The following CDHR2 variants were observed in gnomAD, a reference collection of about 807,000 sequenced individuals.
The protein encoded by CDHR2 is cadherin-related family member 2.
A neutral mutation model predicts 138.6 loss-of-function variants in CDHR2; 104 were observed. That is an observed-to-expected ratio of 0.75 (90% CI 0.64 to 0.88). The LOEUF (loss-of-function observed/expected upper bound fraction) is 0.88. CDHR2 is among the 40% of genes least tolerant of loss of function. CDHR2 has a pLI of 0.00. For missense variants in CDHR2, 1,624 were observed against 1,727.6 expected (o/e 0.94, Z 1.06); for synonymous variants, 755 against 742.8 (o/e 1.02, Z -0.27).
rs201285308 is a variant in CDHR2 at position 176,581,379 on chromosome 5, C to T, written c.1855C>T (p.Arg619Cys). The stretch of plus-strand genomic sequence containing the variant: ...TGATGAGCCGGGCACCAACAACAGC[C>T]GTCTGCTCTTCAACCTGCTGCCTGG... ...DNDEPGTNNS[R>C]LLFNLLPGPY... The change falls in exon 17 of 32, where the codon CGT becomes TGT. Residue 619 changes from arginine (R) to cysteine (C), a missense_variant. Arg to Cys is a radical substitution (Grantham distance 180). Around this residue, in one of 3 missense-constraint regions of CDHR2, gnomAD observed 1,061 missense variants for 1,136.6 expected, o/e 0.93. Coordinates refer to ENST00000261944, the MANE Select transcript of CDHR2 (RefSeq NM_017675.6). 1.6e-4 allele frequency: 256 copies of T among 1,613,962 alleles called. No individual in the cohort carries two copies. The highest frequency in any genetic ancestry group is 9.9e-4 in the Middle Eastern group (6 of 6,062).
chr5:176,557,988 G>A (rs910161447), intron 1 of CDHR2, among the ~76,000 whole-genome samples: 1 of 152,054 alleles, frequency 6.6e-6, no homozygotes, highest in African/African-American at 2.4e-5. Context: ...TTGCAGGTGT[G>A]AGCCACCGAG....
chr5:176,543,048 T>C lies in CDHR2; in HGVS notation c.-16+279T>C, dbSNP rs1182712457. On this transcript the variant is annotated intron_variant, in intron 1 of 31. Coordinates refer to the CDHR2 transcript ENST00000510636. The surrounding 1 kb of genome is among the most constrained non-coding windows in gnomAD (Gnocchi z 4.0). ...CGGAGTTCCCCGGGGCTCCCCGAGT[T>C]GGGGCGTTTGGACCTAGCGGACGGG... Among the ~76,000 whole-genome samples the C allele has an allele frequency of 6.6e-6, 1 of 151,510 alleles. No individual in the cohort carries two copies. Among genetic ancestry groups the C allele is most frequent in the Non-Finnish European group, 1.5e-5 (1 of 67,768 alleles).
At position 176,543,449 on chromosome 5, in the gene CDHR2, G is replaced by A. The variant is rs943773727; in HGVS notation, c.-16+680G>A. On this transcript the variant is annotated intron_variant, in intron 1 of 31. Coordinates refer to the CDHR2 transcript ENST00000510636. This position sits in a 1 kb window ranked among gnomAD's most constrained non-coding sequence, Gnocchi z 4.0. ...GCCCACACCGGCTGCGCAGCTTCCAGGACCCCCGCCCCGGCCCCGCGCGAA... is the reference window on the plus strand; with the variant it reads ...GCCCACACCGGCTGCGCAGCTTCCAAGACCCCCGCCCCGGCCCCGCGCGAA... The A allele has an allele frequency of 1.3e-5, 2 of 151,844 alleles. No homozygotes were observed. The highest frequency in any genetic ancestry group is 4.8e-5 in the African/African-American group (2 of 41,362). 9.4% of individuals were successfully genotyped at this position (151,844 alleles called of 1,614,324 possible). A position where few individuals can be genotyped will look rare whatever the true frequency, so the allele number is the denominator to read the frequency against.
At chr5:176,556,062 C>T (rs1757816069) in intron 1 of CDHR2, among the ~76,000 whole-genome samples, 1 of 152,250 alleles carries the variant, frequency 6.6e-6, no homozygotes, top group Non-Finnish European at 1.5e-5. Flanking sequence ...TCTCTCCCTG[C>T]AACCCAGCCA....
At position 176,577,478 on chromosome 5, in the gene CDHR2, G is replaced by C. The variant is rs760302877; in HGVS notation, c.1274G>C (p.Gly425Ala). 1 of 1,610,822 alleles carries C rather than the reference G, an allele frequency of 6.2e-7. No homozygotes were observed. The highest frequency in any genetic ancestry group is 8.5e-7 in the Non-Finnish European group (1 of 1,178,960). The change falls in exon 13 of 32, where the codon GGC (glycine) becomes GCC (alanine). Residue 425 changes from glycine (G) to alanine (A), a missense_variant. Transcript: ENST00000261944. Reference sequence around the variant, plus strand: ...AGCGTCTCCCCGGAGCGGGCAGTGGGCTCAGCCTCCGTTCAGGTGCTGGTG... The same window carrying C: ...AGCGTCTCCCCGGAGCGGGCAGTGGCCTCAGCCTCCGTTCAGGTGCTGGTG... ...AFSVSPERAV[G>A]SASVQVLVRV...
chr5:176,576,045 G>C lies in CDHR2; in HGVS notation c.1054G>C (p.Glu352Gln), dbSNP rs1758372209. The C allele has an allele frequency of 1.2e-6, 2 of 1,613,894 alleles. No homozygotes were observed. Among genetic ancestry groups the C allele is most frequent in the Admixed American group, 3.3e-5 (2 of 59,990 alleles). Reference protein sequence around the residue: ...RVMDVNDHKPEFYNCSLPACT... With the variant: ...RVMDVNDHKPQFYNCSLPACT... Reference sequence around the variant, plus strand: ...GATGGACGTCAATGACCACAAACCTGAGTTTTACAACTGCAGCCTCCCAGC... The same window carrying C: ...GATGGACGTCAATGACCACAAACCTCAGTTTTACAACTGCAGCCTCCCAGC... Residue 352 changes from glutamate to glutamine, a missense_variant, in exon 12 of 32, where the codon GAG becomes CAG. Physicochemically the swap from Glu to Gln is conservative, Grantham distance 29. This residue lies in a region of CDHR2 where 1,061 missense variants were observed against 1,136.6 expected (regional missense o/e 0.93). Transcript: ENST00000261944. The surrounding 1 kb of genome is among the most constrained non-coding windows in gnomAD (Gnocchi z 4.5).
chr5:176,591,532 G>A (rs113319946), intron 30 of CDHR2, 48 bp downstream of exon 30: 3 of 1,400,670 alleles, frequency 2.1e-6, no homozygotes, highest in Non-Finnish European at 3.0e-6. Context: ...GGTGGTACAG[G>A]TAGTGACGGT....
At chr5:176,572,991 C>T (rs1758271934) in intron 6 of CDHR2, among the ~76,000 whole-genome samples, 1 of 152,208 alleles carries the variant, frequency 6.6e-6, no homozygotes, top group South Asian at 2.1e-4. Flanking sequence ...AAGGAAGTGA[C>T]TGCAGCGGGC....
At chr5:176,583,514 C>T (rs1758573154) in intron 17 of CDHR2, among the ~76,000 whole-genome samples, 2 of 152,178 alleles carry the variant, frequency 1.3e-5, no homozygotes, top group Admixed American at 6.5e-5. Flanking sequence ...AGGGCATCCC[C>T]CAAGCACATG....
intron 19 of CDHR2, 61 bp downstream of exon 19, chr5:176,585,076 C>G: frequency 6.8e-7 from 1 of 1,474,146 alleles, no homozygotes; most frequent in Non-Finnish European, 9.0e-7. Context: ...CGGGAAGGAG[C>G]CCTGGGCTGG....
intron 2 of CDHR2, 117 bp downstream of exon 2, chr5:176,565,521 G>T: frequency 7.9e-7 from 1 of 1,259,834 alleles, no homozygotes; most frequent in Non-Finnish European, 1.1e-6. Context: ...CCAGCCCTGT[G>T]CTTGGCTAAG....
chr5:176,574,079 G>A lies in CDHR2; in HGVS notation c.406-4G>A, dbSNP rs1217983166. ...GCTCATAGGTGACGAGTCCCTCCCT[G>A]CAGACCCTGCCCGTGGGCAGTGTGG... On this transcript the variant is annotated splice_polypyrimidine_tract_variant and splice_region_variant and intron_variant, in intron 6 of 31. Coordinates refer to ENST00000261944, the MANE Select transcript of CDHR2 (RefSeq NM_017675.6). The A allele has an allele frequency of 4.3e-6, 7 of 1,612,762 alleles. No homozygotes were observed. Among genetic ancestry groups the A allele is most frequent in the Non-Finnish European group, 5.9e-6 (7 of 1,179,150 alleles).
intron 2 of CDHR2, 89 bp from the exon 3 acceptor site, chr5:176,565,583 A>ACCC: frequency 1.7e-5 from 22 of 1,331,246 alleles, no homozygotes; most frequent in Non-Finnish European, 2.2e-5. Context: ...CTGGGTGGCC[A>ACCC]TAAGGACTAG....
rs779838186 is a variant in CDHR2 at position 176,576,054 on chromosome 5, A to G, written c.1063A>G (p.Asn355Asp). The change falls in exon 12 of 32, where the codon AAC becomes GAC. Residue 355 changes from asparagine (N) to aspartate (D), a missense_variant. This residue lies in a region of CDHR2 where 1,061 missense variants were observed against 1,136.6 expected (regional missense o/e 0.93). Coordinates refer to ENST00000261944, the MANE Select transcript of CDHR2 (RefSeq NM_017675.6). The surrounding 1 kb of genome is among the most constrained non-coding windows in gnomAD (Gnocchi z 4.5). ...CAATGACCACAAACCTGAGTTTTAC[A>G]ACTGCAGCCTCCCAGCCTGCACCTT... ...DVNDHKPEFY[N>D]CSLPACTFTP... 3.7e-6 allele frequency: 6 copies of G among 1,613,990 alleles called. No individual in the cohort carries two copies. Among genetic ancestry groups the G allele is most frequent in the Non-Finnish European group, 5.1e-6 (6 of 1,180,016 alleles).
intron 1 of CDHR2, among the ~76,000 whole-genome samples, chr5:176,560,542 G>A (rs1379691150): frequency 6.6e-6 from 1 of 152,152 alleles, no homozygotes; most frequent in Non-Finnish European, 1.5e-5. Flanking sequence ...CACTTAAAGC[G>A]GTTCCCTTCT....
At position 176,584,395 on chromosome 5, in the gene CDHR2, G is replaced by A. The variant is rs997126444; in HGVS notation, c.2129-15G>A. On this transcript the variant is annotated splice_polypyrimidine_tract_variant and intron_variant, in intron 18 of 31. Transcript: ENST00000261944. ...GGGGTCAGGAGTCCTTCTGAGCTCT[G>A]CCCCTTGTCCACAGGAGTGCTAGTG... is the stretch of plus-strand genomic sequence containing the variant. The A allele has an allele frequency of 6.2e-7, 1 of 1,600,274 alleles. No individual in the cohort carries two copies. The highest frequency in any genetic ancestry group is 1.7e-5 in the Admixed American group (1 of 59,520).
At position 176,584,820 on chromosome 5, in the gene CDHR2, G is replaced by T; in HGVS notation, c.2539G>T (p.Val847Leu). 6.2e-7 allele frequency: 1 copy of T among 1,614,234 alleles called. No individual in the cohort carries two copies. The highest frequency in any genetic ancestry group is 1.1e-5 in the South Asian group (1 of 91,084). ...DTSAQLEIQL[V>L]NILCTKAGVD... ...CAGTGCCCAGCTGGAGATACAGCTT[G>T]TGAACATTCTCTGCACCAAGGCCGG... The change falls in exon 19 of 32, where the codon GTG becomes TTG. Residue 847 changes from valine to leucine, a missense_variant. Coordinates refer to ENST00000261944, the MANE Select transcript of CDHR2 (RefSeq NM_017675.6).
At chr5:176,550,222 C>T (rs750273779) in intron 1 of CDHR2, among the ~76,000 whole-genome samples, 3 of 152,246 alleles carry the variant, frequency 2.0e-5, no homozygotes, top group Non-Finnish European at 2.9e-5. Context: ...CACTCTGCTT[C>T]TCAGCAGGGG....
Position 176,578,110 on chromosome 5 carries a change from T to G in CDHR2, c.1574+15T>G, listed in dbSNP as rs1360427265. 1.2e-6 allele frequency: 2 copies of G among 1,608,228 alleles called. No individual in the cohort carries two copies. Among genetic ancestry groups the G allele is most frequent in the Non-Finnish European group, 1.7e-6 (2 of 1,175,960 alleles). ...CCAGGAAATGGGTAAGGGCTCAGGG[T>G]GGGCCGTAGGCAGGTGGGTGAGCAG... is the stretch of plus-strand genomic sequence containing the variant. On this transcript the variant is annotated intron_variant, in intron 15 of 31. Transcript: ENST00000261944.
Sources: gnomAD v4.1 joint callset for allele counts (sites outside exome capture counted in the v4.1 genomes callset) on GRCh38, gnomAD v4.1.1 for gene constraint, gnomAD v4.1.1 regional missense constraint, Gnocchi (gnomAD v3.1) non-coding constraint, MANE v1.5 for transcripts, NCBI Gene and HGNC (gene_info 2026-07-23, HGNC 2026-07-21) for gene names.